CHMP2B: variants seen among roughly 807,000 people sequenced by gnomAD.
CHMP2B encodes the protein charged multivesicular body protein 2B.
In CHMP2B, 22 loss-of-function variants were observed where a neutral mutation model predicts 29.8. The ratio of observed to expected loss-of-function variants is 0.74; its 90% confidence interval spans 0.53 to 1.05. The LOEUF (loss-of-function observed/expected upper bound fraction) is 1.05, where lower values mean the gene tolerates loss of function less well. Among genes scored for constraint, CHMP2B ranks in the 50% least tolerant of loss-of-function variants. The pLI, the probability that CHMP2B is intolerant of heterozygous loss-of-function variation, is 0.00. For synonymous variants in CHMP2B, 78 were observed against 75.8 expected (o/e 1.03, Z -0.15); for missense variants, 261 against 252.2 (o/e 1.03, Z -0.24).
In CHMP2B at chr3:87,253,474, A is replaced by T. The variant is rs1197152496; in HGVS notation, c.495A>T (p.Gln165His). 6.2e-7 allele frequency: 1 copy of T among 1,611,608 alleles called. No homozygotes were observed. Among genetic ancestry groups the T allele is most frequent in the Non-Finnish European group, 8.5e-7 (1 of 1,177,972 alleles). ...DEEESQDIVN[Q>H]VLDEIGIEIS... ...AAGAAAGCCAGGATATTGTGAATCA[A>T]GTTCTTGATGAAATTGGAATTGAAA... Residue 165 changes from glutamine (Q) to histidine (H), a missense_variant, in exon 5 of 6, where the codon CAA becomes CAT. Physicochemically the swap from Gln to His is conservative, Grantham distance 24. Transcript: ENST00000263780.
At chr3:87,249,757 G>A (rs937292383) in intron 3 of CHMP2B, 118 bp from the exon 4 acceptor site, 37 of 605,160 alleles carry the variant, frequency 6.1e-5, no homozygotes, top group East Asian at 3.3e-4. Context: ...GTTTGATTAC[G>A]GCAGGATGGA....
chr3:87,228,984 A>G (rs1381250778), intron 1 of CHMP2B, among the ~76,000 whole-genome samples: 1 of 151,840 alleles, frequency 6.6e-6, no homozygotes, highest in Admixed American at 6.6e-5. Context: ...TTATATAGTT[A>G]CAGTTTTTTT....
chr3:87,245,821 A>C lies in CHMP2B; in HGVS notation c.234A>C (p.Val78=), dbSNP rs765641845. 1.2e-6 allele frequency: 2 copies of C among 1,613,720 alleles called. No homozygotes were observed. The highest frequency in any genetic ancestry group is 1.1e-5 in the South Asian group (1 of 91,026). ...AACAGAAGACGAGAACTTTTGCTGT[A>C]AGTTCAAAAGTTACTTCTATGTCTA... ...LRKQKTRTFA[V]SSKVTSMSTQ... Residue 78 remains valine, a synonymous_variant, in exon 3 of 6, where the codon GTA becomes GTC. Coordinates refer to ENST00000263780, the MANE Select transcript of CHMP2B (RefSeq NM_014043.4).
chr3:87,234,527 A>G (rs1705963996), intron 1 of CHMP2B, among the ~76,000 whole-genome samples: 1 of 152,150 alleles, frequency 6.6e-6, no homozygotes, highest in Non-Finnish European at 1.5e-5. Flanking sequence ...TGTGCTGGGC[A>G]TGGGTGAAAA....
chr3:87,246,930 T>A (rs1381712816), intron 3 of CHMP2B, among the ~76,000 whole-genome samples: 1 of 152,140 alleles, frequency 6.6e-6, no homozygotes, highest in Non-Finnish European at 1.5e-5. Context: ...GACCTTTGAG[T>A]AGGGTGATCT....
chr3:87,231,854 C>G (rs974685343), intron 1 of CHMP2B, among the ~76,000 whole-genome samples: 1 of 152,058 alleles, frequency 6.6e-6, no homozygotes, highest in Non-Finnish European at 1.5e-5. Context: ...TCCTTATGTT[C>G]CCCTTTTGTG....
intron 2 of CHMP2B, among the ~76,000 whole-genome samples, chr3:87,242,110 A>T (rs897380014): frequency 2.6e-5 from 4 of 152,118 alleles, no homozygotes; most frequent in Non-Finnish European, 4.4e-5. Context: ...CAGAGTGTCT[A>T]TTCAAATATT....
At chr3:87,227,614 G>A in intron 1 of CHMP2B, 58 bp downstream of exon 1, 1 of 1,605,768 alleles carries the variant, frequency 6.2e-7, no homozygotes, top group Non-Finnish European at 8.5e-7. Context: ...CGTCTTTCGA[G>A]GCCTGCTGGC....
chr3:87,235,380 A>G (rs1014488575), intron 1 of CHMP2B, among the ~76,000 whole-genome samples: 14 of 152,278 alleles, frequency 9.2e-5, no homozygotes, highest in Middle Eastern at 3.4e-3. Flanking sequence ...GTCTCGTATG[A>G]AAATATGTTT....
Position 87,227,334 on chromosome 3 carries a change from G to C in CHMP2B, c.-189G>C. On this transcript the variant is annotated 5_prime_UTR_variant, in exon 1 of 6. Coordinates refer to ENST00000263780, the MANE Select transcript of CHMP2B (RefSeq NM_014043.4). ...GTTAGTTCCCGGTCACCTGAGCTCC[G>C]GGTGACGCGGCTGCGGTAGCTGCGG... 1.6e-6 allele frequency: 1 copy of C among 644,500 alleles called. No homozygotes were observed. The highest frequency in any genetic ancestry group is 2.8e-6 in the Non-Finnish European group (1 of 359,238). 39.9% of individuals were successfully genotyped at this position (644,500 alleles called of 1,614,324 possible).
intron 1 of CHMP2B, among the ~76,000 whole-genome samples, chr3:87,230,402 A>G (rs1705887125): frequency 6.6e-6 from 1 of 152,218 alleles, no homozygotes; most frequent in Non-Finnish European, 1.5e-5. Context: ...TCATACAGCT[A>G]TTAAGTGTCA....
chr3:87,242,304 T>C (rs1329388584), intron 2 of CHMP2B, among the ~76,000 whole-genome samples: 1 of 152,130 alleles, frequency 6.6e-6, no homozygotes, highest in African/African-American at 2.4e-5. Context: ...TTTGATCAAG[T>C]ACAATTTTTT....
chr3:87,253,330 G>C, intron 4 of CHMP2B, 74 bp from the exon 5 acceptor site: 1 of 870,640 alleles, frequency 1.1e-6, no homozygotes. Flanking sequence ...AGTTGGGCTA[G>C]ACTGTAAATA....
At chr3:87,248,751 G>A (rs555836495) in intron 3 of CHMP2B, among the ~76,000 whole-genome samples, 1 of 150,044 alleles carries the variant, frequency 6.7e-6, no homozygotes, top group East Asian at 2.0e-4. Flanking sequence ...AGTTAGGTGT[G>A]TTGGGGGTGG....
At position 87,253,691 on chromosome 3, in the gene CHMP2B, CT is replaced by C; in HGVS notation, c.532-16del. 6.2e-7 allele frequency: 1 copy of C among 1,601,254 alleles called. No homozygotes were observed. Among genetic ancestry groups the C allele is most frequent in the Non-Finnish European group, 8.6e-7 (1 of 1,169,110 alleles). On this transcript the variant is annotated intron_variant, in intron 5 of 5. Transcript: ENST00000263780. Reference sequence around the variant, plus strand: ...CAAATGTTTCCTAATGCACGTTTGTCTTTTTCATTGTTTAATATAGATGGCC... The same window carrying C: ...CAAATGTTTCCTAATGCACGTTTGTCTTTTCATTGTTTAATATAGATGGCC...
chr3:87,231,833 C>G (rs1198392134), intron 1 of CHMP2B, among the ~76,000 whole-genome samples: 3 of 152,098 alleles, frequency 2.0e-5, no homozygotes, highest in Non-Finnish European at 2.9e-5. Flanking sequence ...CTCAAAGTCT[C>G]TATGAAGTAC....
chr3:87,238,483 C>A (rs193150738), intron 1 of CHMP2B, among the ~76,000 whole-genome samples: 26 of 152,260 alleles, frequency 1.7e-4, no homozygotes, highest in Middle Eastern at 6.8e-3. Context: ...TCTCCCCAAC[C>A]CCTGCCATAT....
At chr3:87,248,755 G>A (rs771742755) in intron 3 of CHMP2B, among the ~76,000 whole-genome samples, 3 of 152,006 alleles carry the variant, frequency 2.0e-5, no homozygotes, top group East Asian at 1.9e-4. Flanking sequence ...AGGTGTGTTG[G>A]GGGTGGGGAG....
chr3:87,246,429 G>A (rs781543156), intron 3 of CHMP2B, among the ~76,000 whole-genome samples: 31 of 152,036 alleles, frequency 2.0e-4, no homozygotes, highest in Non-Finnish European at 3.7e-4. Flanking sequence ...GAGCCACCGC[G>A]CCCAGCCAAC....
Sources: allele counts gnomAD v4.1 joint callset (sites outside exome capture counted in the v4.1 genomes callset), GRCh38; gene constraint gnomAD v4.1.1; transcripts MANE v1.5; gene names NCBI Gene and HGNC (gene_info 2026-07-23, HGNC 2026-07-21).